RSPO2: variants seen among roughly 807,000 people sequenced by gnomAD.
RSPO2 encodes the protein R-spondin 2, also known as R-spondin-2.
RSPO2 carries 14 observed loss-of-function variants against 30.9 expected under a neutral mutation model. That is an observed-to-expected ratio of 0.45 (90% CI 0.30 to 0.71). The LOEUF (loss-of-function observed/expected upper bound fraction) is 0.71. Ranked by LOEUF, RSPO2 falls within the 30% of genes least tolerant of loss-of-function variation. The pLI, the probability that RSPO2 is intolerant of heterozygous loss-of-function variation, is 0.08. For missense variants in RSPO2, 264 were observed against 301.9 expected, an observed-to-expected ratio of 0.87 and a Z score of 0.93; for synonymous variants, 107 against 96.4, an observed-to-expected ratio of 1.11 and a Z score of -0.64.
intron 5 of RSPO2, among the ~76,000 whole-genome samples, chr8:107,924,492 C>A (rs934802867): frequency 4.1e-4 from 63 of 152,022 alleles, no homozygotes; most frequent in African/African-American, 1.5e-3. Context: ...TTTTGTGTAC[C>A]TCTGTTGGTT....
At chr8:108,056,623 C>CAAA (rs56256415) in intron 2 of RSPO2, among the ~76,000 whole-genome samples, 49 of 71,790 alleles carry the variant, frequency 6.8e-4, no homozygotes, top group Admixed American at 1.1e-3. Context: ...AGACCCGTCT[C>CAAA]AAAAAAAAAA....
intron 2 of RSPO2, among the ~76,000 whole-genome samples, chr8:108,025,853 G>A (rs1456604964): frequency 1.3e-5 from 2 of 152,078 alleles, no homozygotes; most frequent in Admixed American, 6.6e-5. Context: ...TCCAGTTAAT[G>A]AATATAAAAT....
chr8:108,082,208 T>G (rs1813220405), intron 2 of RSPO2, among the ~76,000 whole-genome samples: 1 of 151,136 alleles, frequency 6.6e-6, no homozygotes, highest in Non-Finnish European at 1.5e-5. Flanking sequence ...AAAATGCATG[T>G]CAGATAAGAA....
rs181889334 is a variant in RSPO2, at chr8:108,061,336, G to T, written c.94+21209C>A. The stretch of plus-strand genomic sequence containing the variant: ...ATGGGCTCAAAATAAAGGGATGGAG[G>T]AAGATCTACCAAGCAAATGGAAAAC... On this transcript the variant is annotated intron_variant, in intron 2 of 5. Transcript: ENST00000276659. Among the ~76,000 whole-genome samples, 297 of 151,772 alleles carry T rather than the reference G, an allele frequency of 2.0e-3. 4 individuals carry two copies. Among genetic ancestry groups the T allele is most frequent in the African/African-American group, 6.7e-3 (276 of 41,144 alleles).
intron 5 of RSPO2, among the ~76,000 whole-genome samples, chr8:107,905,785 T>TC (rs1554625773): frequency 5.3e-5 from 8 of 151,580 alleles, no homozygotes; most frequent in Middle Eastern, 3.4e-3. Context: ...ATTTTTTTTT[T>TC]CCCATATGGG....
chr8:108,015,459 C>T (rs1810856921), intron 2 of RSPO2, among the ~76,000 whole-genome samples: 2 of 152,142 alleles, frequency 1.3e-5, no homozygotes, highest in Admixed American at 1.3e-4. Flanking sequence ...AAGACTCTCT[C>T]CTTGAGCAAA....
intron 2 of RSPO2, among the ~76,000 whole-genome samples, chr8:108,065,272 C>T (rs1232245017): frequency 7.5e-6 from 1 of 132,674 alleles, no homozygotes; most frequent in Non-Finnish European, 1.6e-5. Context: ...ACATTCTGCA[C>T]ATGTATCTCA....
intron 2 of RSPO2, among the ~76,000 whole-genome samples, chr8:108,016,666 G>A (rs750447116): frequency 2.0e-5 from 3 of 152,202 alleles, no homozygotes; most frequent in Non-Finnish European, 4.4e-5. Flanking sequence ...CGGTTTGGAT[G>A]TGTGTCTCCA....
chr8:107,901,022 T>C lies in RSPO2; in HGVS notation c.*53A>G. On this transcript the variant is annotated 3_prime_UTR_variant, in exon 6 of 6. Coordinates refer to ENST00000276659, the MANE Select transcript of RSPO2 (RefSeq NM_178565.5). ...CAGTGTGCAGGAGTGGAGAGTAGCT[T>C]TGTGCACATTTGCAAAAACAAAAAC... The C allele has an allele frequency of 6.3e-7, 1 of 1,593,548 alleles. No homozygotes were observed. The highest frequency in any genetic ancestry group is 8.6e-7 in the Non-Finnish European group (1 of 1,165,918).
At chr8:107,925,422 T>C (rs1052281647) in intron 5 of RSPO2, among the ~76,000 whole-genome samples, 9 of 151,626 alleles carry the variant, frequency 5.9e-5, no homozygotes, top group African/African-American at 2.2e-4. Context: ...TTTTTTATTA[T>C]ACTTTAAGTT....
Position 107,960,731 on chromosome 8 carries a change from A to T in RSPO2, c.370T>A (p.Cys124Ser). 2 of 1,613,646 alleles carry T rather than the reference A, an allele frequency of 1.2e-6. No homozygotes were observed. Among genetic ancestry groups the T allele is most frequent in the Non-Finnish European group, 1.7e-6 (2 of 1,179,718 alleles). The change falls in exon 4 of 6, where the codon TGC (cysteine) becomes AGC (serine). Residue 124 changes from cysteine to serine, a missense_variant. By Grantham distance (112) the Cys-to-Ser change is moderately radical (BLOSUM62 -1). Coordinates refer to ENST00000276659, the MANE Select transcript of RSPO2 (RefSeq NM_178565.5). ...AAACCATCTGGACATTCATCAAAGCAACGGCCTCTATGCAAATAAAAGCCT... is the reference window on the plus strand; with the variant it reads ...AAACCATCTGGACATTCATCAAAGCTACGGCCTCTATGCAAATAAAAGCCT... ...KVGFYLHRGR[C>S]FDECPDGFAP... is the part of the protein sequence containing the mutation.
chr8:107,912,296 C>T (rs1811849600), intron 5 of RSPO2, among the ~76,000 whole-genome samples: 1 of 152,114 alleles, frequency 6.6e-6, no homozygotes, highest in African/African-American at 2.4e-5. Context: ...TCATAGATGA[C>T]TTAGTGCGAA....
At chr8:108,044,216 T>G (rs1273612690) in intron 2 of RSPO2, among the ~76,000 whole-genome samples, 1 of 152,104 alleles carries the variant, frequency 6.6e-6, no homozygotes, top group African/African-American at 2.4e-5. Context: ...GAAGAAGTCT[T>G]TTCTGGGGAG....
intron 2 of RSPO2, among the ~76,000 whole-genome samples, chr8:108,075,074 G>A (rs1242230769): frequency 6.6e-6 from 1 of 152,130 alleles, no homozygotes; most frequent in Non-Finnish European, 1.5e-5. Context: ...TATATAGAAG[G>A]CAAATACCAC....
At chr8:108,020,373 T>C (rs1392817943) in intron 2 of RSPO2, among the ~76,000 whole-genome samples, 1 of 152,148 alleles carries the variant, frequency 6.6e-6, no homozygotes, top group Non-Finnish European at 1.5e-5. Context: ...CACTATACAA[T>C]CACCAGGATT....
At chr8:107,984,906 T>A (rs893669088) in intron 3 of RSPO2, among the ~76,000 whole-genome samples, 1 of 152,178 alleles carries the variant, frequency 6.6e-6, no homozygotes, top group African/African-American at 2.4e-5. Flanking sequence ...TTGACATCAG[T>A]GGGAGTTAAA....
At chr8:108,056,705 A>G (rs1586663835) in intron 2 of RSPO2, among the ~76,000 whole-genome samples, 1 of 151,776 alleles carries the variant, frequency 6.6e-6, no homozygotes, top group Non-Finnish European at 1.5e-5. Context: ...TAAATGCTCA[A>G]TAAGTGATTA....
At chr8:108,061,753 C>T (rs1380606392) in intron 2 of RSPO2, among the ~76,000 whole-genome samples, 1 of 151,876 alleles carries the variant, frequency 6.6e-6, no homozygotes, top group Non-Finnish European at 1.5e-5. Flanking sequence ...CACCATATCA[C>T]ACATATTCCA....
chr8:108,029,678 T>C (rs1811352354), intron 2 of RSPO2, among the ~76,000 whole-genome samples: 1 of 152,138 alleles, frequency 6.6e-6, no homozygotes, highest in African/African-American at 2.4e-5. Flanking sequence ...TCAAGGGAAA[T>C]AAAAGATGCA....
Sources: gnomAD v4.1 joint callset for allele counts (sites outside exome capture counted in the v4.1 genomes callset) on GRCh38, gnomAD v4.1.1 for gene constraint, MANE v1.5 for transcripts, NCBI Gene and HGNC (gene_info 2026-07-23, HGNC 2026-07-21) for gene names.